Variants in RBFOX1 observed in about 807,000 individuals in gnomAD.
RBFOX1 encodes the protein RNA binding protein fox-1 homolog 1.
A neutral mutation model predicts 57.7 loss-of-function variants in RBFOX1; 8 were observed. That is an observed-to-expected ratio of 0.14 (90% CI 0.08 to 0.25). The LOEUF is 0.25. Among genes scored for constraint, RBFOX1 ranks in the 10% least tolerant of loss-of-function variants. RBFOX1 has a pLI of 1.00. For missense variants in RBFOX1, 611 were observed against 548.5 expected (o/e 1.11, Z -1.14); for synonymous variants, 326 against 222.4 (o/e 1.47, Z -4.15).
intron 1 of RBFOX1, among the ~76,000 whole-genome samples, chr16:5,398,958 C>T (rs1351727544): frequency 6.6e-6 from 1 of 152,234 alleles, no homozygotes; most frequent in Non-Finnish European, 1.5e-5. Context: ...TGACTTTGCA[C>T]TCTGCTCTCC....
chr16:5,528,718 C>T (rs1280584250), intron 2 of RBFOX1, among the ~76,000 whole-genome samples: 1 of 151,482 alleles, frequency 6.6e-6, no homozygotes, highest in Non-Finnish European at 1.5e-5. Context: ...GGCGCAATCT[C>T]GGCTCACTGC....
chr16:5,277,401 A>T (rs1056776789), intron 1 of RBFOX1, among the ~76,000 whole-genome samples: 2 of 152,198 alleles, frequency 1.3e-5, no homozygotes, highest in Non-Finnish European at 1.5e-5. Flanking sequence ...CCACTGAAGA[A>T]CTTATCCATG....
At chr16:5,774,351 A>G (rs957500324) in intron 3 of RBFOX1, among the ~76,000 whole-genome samples, 1 of 152,222 alleles carries the variant, frequency 6.6e-6, no homozygotes, top group Non-Finnish European at 1.5e-5. Context: ...ATACTTGATC[A>G]TATCATTTCT....
At chr16:5,292,881 C>T (rs1183327383) in intron 1 of RBFOX1, among the ~76,000 whole-genome samples, 4 of 152,040 alleles carry the variant, frequency 2.6e-5, no homozygotes, top group African/African-American at 7.2e-5. Flanking sequence ...CCTCGGCCTC[C>T]CAAAGTGCTG....
chr16:6,869,700 A>C (rs1238285071), intron 3 of RBFOX1, among the ~76,000 whole-genome samples: 1 of 152,208 alleles, frequency 6.6e-6, no homozygotes, highest in Non-Finnish European at 1.5e-5. Flanking sequence ...ACATTCATGC[A>C]GTTGGCAAAG....
chr16:5,557,259 C>CAATA (rs201351265), intron 2 of RBFOX1, among the ~76,000 whole-genome samples: 21,230 of 142,806 alleles, frequency 0.15, 1,744 homozygotes, highest in Admixed American at 0.19. Context: ...GACTCCATCT[C>CAATA]AATAAATAAA....
intron 1 of RBFOX1, among the ~76,000 whole-genome samples, chr16:6,073,619 C>G (rs1351493055): frequency 2.0e-5 from 3 of 152,104 alleles, no homozygotes; most frequent in African/African-American, 7.2e-5. Flanking sequence ...ATTTTTGGTG[C>G]ACAAACATGT....
chr16:5,866,102 C>T (rs529146348), intron 3 of RBFOX1, among the ~76,000 whole-genome samples: 7 of 152,180 alleles, frequency 4.6e-5, no homozygotes, highest in African/African-American at 7.2e-5. Context: ...CGAGTAGCTG[C>T]GATTACAGGT....
At chr16:7,172,091 G>A (rs535239439) in intron 4 of RBFOX1, among the ~76,000 whole-genome samples, 153 of 152,150 alleles carry the variant, frequency 1.0e-3, no homozygotes, top group African/African-American at 3.6e-3. Context: ...TTGCTTTAAC[G>A]TTCTCATCTG....
At chr16:7,629,989 T>G (rs182532712) in intron 10 of RBFOX1, among the ~76,000 whole-genome samples, 2 of 152,320 alleles carry the variant, frequency 1.3e-5, no homozygotes, top group African/African-American at 4.8e-5. Flanking sequence ...TTCTCCGCCT[T>G]ACTTCTGTTC....
chr16:7,231,597 T>G (rs139496110), intron 4 of RBFOX1, among the ~76,000 whole-genome samples: 1 of 152,220 alleles, frequency 6.6e-6, no homozygotes, highest in South Asian at 2.1e-4. Context: ...CAAATGCTTA[T>G]AACATCACCA....
At chr16:6,998,523 G>A (rs1826885678) in intron 3 of RBFOX1, among the ~76,000 whole-genome samples, 1 of 152,154 alleles carries the variant, frequency 6.6e-6, no homozygotes, top group African/African-American at 2.4e-5. Context: ...CCAGAAGCAA[G>A]AGACAAAGTT....
intron 4 of RBFOX1, among the ~76,000 whole-genome samples, chr16:7,153,899 C>G (rs189664397): frequency 7.9e-5 from 12 of 151,874 alleles, no homozygotes; most frequent in South Asian, 4.2e-4. Flanking sequence ...GTAAATTGTT[C>G]TAGTTAGGCA....
At chr16:6,670,726 G>A (rs575607236) in intron 3 of RBFOX1, among the ~76,000 whole-genome samples, 37 of 152,154 alleles carry the variant, frequency 2.4e-4, no homozygotes, top group African/African-American at 5.8e-4. Context: ...GGCCGGGCAC[G>A]GTGGTTCACG....
In RBFOX1 at chr16:5,621,413, T is replaced by C. The variant is rs528632196; in HGVS notation, c.318+22452T>C. Among the ~76,000 whole-genome samples the C allele has an allele frequency of 1.6e-4, 24 of 152,298 alleles. No individual in the cohort carries two copies. In the South Asian group the frequency reaches 4.8e-3, roughly 30 times the overall value. ...TGCACCCAGTGTAGGCCGTCAAAAG[T>C]GCTTTGCATGTTATTTAATTTGTGT... is the stretch of plus-strand genomic sequence containing the variant. On this transcript the variant is annotated intron_variant, in intron 3 of 19. Coordinates refer to the RBFOX1 transcript ENST00000641259.
At chr16:7,663,345 G>C (rs991867098) in intron 12 of RBFOX1, among the ~76,000 whole-genome samples, 2 of 152,194 alleles carry the variant, frequency 1.3e-5, no homozygotes, top group Non-Finnish European at 2.9e-5. Context: ...ACAGCTGAAA[G>C]CTATTCCTAC....
intron 3 of RBFOX1, among the ~76,000 whole-genome samples, chr16:6,748,639 A>T (rs2074286257): frequency 6.6e-6 from 1 of 152,222 alleles, no homozygotes; most frequent in Non-Finnish European, 1.5e-5. Context: ...AGCCTGAGCA[A>T]CAAGGCAAGA....
chr16:6,903,906 C>T (rs1285806572), intron 3 of RBFOX1, among the ~76,000 whole-genome samples: 1 of 152,018 alleles, frequency 6.6e-6, no homozygotes, highest in African/African-American at 2.4e-5. Context: ...GATCAAGCTG[C>T]CAGGGAGGAT....
intron 4 of RBFOX1, among the ~76,000 whole-genome samples, chr16:7,268,667 C>G (rs559434610): frequency 6.6e-6 from 1 of 152,100 alleles, no homozygotes; most frequent in Non-Finnish European, 1.5e-5. Flanking sequence ...GTGAGTCAAT[C>G]CTGCCCATGT....
Sources: gnomAD v4.1 joint callset for allele counts (sites outside exome capture counted in the v4.1 genomes callset) on GRCh38, gnomAD v4.1.1 for gene constraint, MANE v1.5 for transcripts, NCBI Gene and HGNC (gene_info 2026-07-23, HGNC 2026-07-21) for gene names.